CLNK: variants seen among roughly 807,000 people sequenced by gnomAD.
CLNK encodes the protein cytokine-dependent hematopoietic cell linker.
CLNK carries 74 observed loss-of-function variants against 68.6 expected under a neutral mutation model. The ratio of observed to expected loss-of-function variants is 1.08; its 90% CI spans 0.89 to 1.31. The LOEUF (loss-of-function observed/expected upper bound fraction) is 1.31, where lower values mean the gene tolerates loss of function less well. Among genes scored for constraint, CLNK ranks in the 50% most tolerant of loss-of-function variants. The pLI, the probability that CLNK is intolerant of heterozygous loss-of-function variation, is 0.00. For missense variants in CLNK, 553 were observed against 515.3 expected (o/e 1.07, Z -0.71); for synonymous variants, 198 against 172.2 (o/e 1.15, Z -1.17).
intron 3 of CLNK, among the ~76,000 whole-genome samples, chr4:10,593,197 C>T (rs187213689): frequency 9.8e-5 from 15 of 152,286 alleles, no homozygotes; most frequent in Non-Finnish European, 2.1e-4. Context: ...AGGTGGGCCA[C>T]AGTGAGAAAA....
intron 2 of CLNK, among the ~76,000 whole-genome samples, chr4:10,600,097 A>G (rs747824961): frequency 4.0e-5 from 6 of 151,366 alleles, no homozygotes; most frequent in Non-Finnish European, 7.4e-5. Context: ...ATTTCCTGCT[A>G]CCCTCTCTCT....
chr4:10,551,996 C>T (rs529111162), intron 8 of CLNK, among the ~76,000 whole-genome samples: 1 of 151,836 alleles, frequency 6.6e-6, no homozygotes, highest in East Asian at 1.9e-4. Context: ...TACAGGTGCG[C>T]GTCAGAACGC....
intron 3 of CLNK, among the ~76,000 whole-genome samples, chr4:10,593,102 A>C (rs546691758): frequency 6.6e-6 from 1 of 152,170 alleles, no homozygotes; most frequent in African/African-American, 2.4e-5. Flanking sequence ...TCTTCCCTGC[A>C]TCCTCTGTGA....
intron 4 of CLNK, among the ~76,000 whole-genome samples, chr4:10,581,454 G>C (rs182682670): frequency 1.3e-5 from 2 of 152,234 alleles, no homozygotes; most frequent in Admixed American, 1.3e-4. Flanking sequence ...TGAAGATTAT[G>C]AGCTAATAAT....
chr4:10,569,829 A>T (rs1720271239), intron 5 of CLNK, among the ~76,000 whole-genome samples: 1 of 152,174 alleles, frequency 6.6e-6, no homozygotes, highest in African/African-American at 2.4e-5. Context: ...AGATGACTAA[A>T]CCCACCTTAT....
intron 7 of CLNK, among the ~76,000 whole-genome samples, chr4:10,561,153 G>A (rs1027334544): frequency 1.3e-5 from 2 of 151,790 alleles, no homozygotes; most frequent in Admixed American, 6.6e-5. Context: ...CACCTACCTC[G>A]GCCTCCCAAA....
chr4:10,523,707 C>T (rs1208941088), intron 14 of CLNK, among the ~76,000 whole-genome samples: 2 of 152,112 alleles, frequency 1.3e-5, no homozygotes, highest in Admixed American at 6.5e-5. Context: ...ATAATGTGTA[C>T]ATTTTTTACT....
chr4:10,557,068 T>C (rs1041022087), intron 8 of CLNK, among the ~76,000 whole-genome samples: 26 of 136,504 alleles, frequency 1.9e-4, no homozygotes, highest in African/African-American at 7.2e-4. Context: ...AGAGCGAGAC[T>C]CTGTCTCAAA....
chr4:10,595,654 C>T (rs1233932848), intron 3 of CLNK, among the ~76,000 whole-genome samples: 1 of 152,086 alleles, frequency 6.6e-6, no homozygotes, highest in African/African-American at 2.4e-5. Flanking sequence ...CCACACTCAA[C>T]CTAGCATGAG....
intron 4 of CLNK, among the ~76,000 whole-genome samples, chr4:10,581,746 T>A (rs775821251): frequency 2.2e-4 from 34 of 151,918 alleles, no homozygotes; most frequent in Non-Finnish European, 4.4e-4. Context: ...GGGTGAATGG[T>A]GATAGGGAAG....
the CLNK span, among the ~76,000 whole-genome samples, chr4:10,716,222 T>C: frequency 6.6e-6 from 1 of 152,308 alleles, no homozygotes; most frequent in South Asian, 2.1e-4. Context: ...TTTTTCCTTG[T>C]TTTTTCACCT....
chr4:10,548,257 G>T (rs763369436), intron 8 of CLNK, among the ~76,000 whole-genome samples: 2 of 152,110 alleles, frequency 1.3e-5, no homozygotes, highest in Non-Finnish European at 2.9e-5. Flanking sequence ...GACCAGTGAT[G>T]CTGAGAACCA....
intron 3 of CLNK, among the ~76,000 whole-genome samples, chr4:10,586,276 A>T (rs1577147994): frequency 6.6e-6 from 1 of 151,618 alleles, no homozygotes; most frequent in Non-Finnish European, 1.5e-5. Flanking sequence ...ACTATGTAAA[A>T]TGCTGCTGCT....
intron 2 of CLNK, among the ~76,000 whole-genome samples, chr4:10,666,881 AGCTGAGATACCGGG>A (rs1292802427): frequency 6.6e-5 from 10 of 152,186 alleles, no homozygotes; most frequent in Non-Finnish European, 1.3e-4. Context: ...ATCCATGGGT[AGCTGAGATACCGGG>A]GCTGTCACAG....
At chr4:10,723,699 T>A in the CLNK span, among the ~76,000 whole-genome samples, 3 of 152,112 alleles carry the variant, frequency 2.0e-5, no homozygotes, top group Non-Finnish European at 4.4e-5. Flanking sequence ...TTAGTAATAA[T>A]CATGCCTACC....
chr4:10,592,404 A>C (rs528557880), intron 3 of CLNK, among the ~76,000 whole-genome samples: 72 of 152,270 alleles, frequency 4.7e-4, no homozygotes, highest in African/African-American at 1.6e-3. Context: ...ACATTCCTCT[A>C]GCGGGCAGAG....
At chr4:10,711,917 G>A in the CLNK span, among the ~76,000 whole-genome samples, 2 of 152,312 alleles carry the variant, frequency 1.3e-5, no homozygotes, top group Admixed American at 1.3e-4. Flanking sequence ...GGGGATTCCA[G>A]AGGTTCATTA....
intron 2 of CLNK, among the ~76,000 whole-genome samples, chr4:10,645,745 A>C (rs970096893): frequency 6.6e-6 from 1 of 152,176 alleles, no homozygotes; most frequent in African/African-American, 2.4e-5. Context: ...GTTAGATAGA[A>C]GAAGTAAGTT....
At chr4:10,495,086 G>C (rs1436292033) in intron 18 of CLNK, among the ~76,000 whole-genome samples, 1 of 151,984 alleles carries the variant, frequency 6.6e-6, no homozygotes, top group Non-Finnish European at 1.5e-5. Flanking sequence ...AGGAGACAGA[G>C]AAGGTGTGAA....
Sources: gnomAD v4.1 joint callset for allele counts (sites outside exome capture counted in the v4.1 genomes callset) on GRCh38, gnomAD v4.1.1 for gene constraint, MANE v1.5 for transcripts, NCBI Gene and HGNC (gene_info 2026-07-23, HGNC 2026-07-21) for gene names.